Variants in SOX5 observed in about 807,000 individuals in gnomAD.
SOX5 encodes SRY-box transcription factor 5, also known as transcription factor SOX-5.
A neutral mutation model predicts 92.0 loss-of-function variants in SOX5; 9 were observed. The ratio of observed to expected loss-of-function variants is 0.10; its 90% CI spans 0.06 to 0.17. The LOEUF is 0.17. Ranked by LOEUF, SOX5 falls within the 10% of genes least tolerant of loss-of-function variation. SOX5 has a pLI of 1.00. For synonymous variants in SOX5, 344 were observed against 336.3 expected, an observed-to-expected ratio of 1.02 and a Z score of -0.25; for missense variants, 642 against 944.5, an observed-to-expected ratio of 0.68 and a Z score of 4.20.
At chr12:23,699,328 T>C (rs572835921) in intron 6 of SOX5, among the ~76,000 whole-genome samples, 2 of 152,270 alleles carry the variant, frequency 1.3e-5, no homozygotes, top group African/African-American at 4.8e-5. Flanking sequence ...AACACCTTTG[T>C]CTCATATATT....
chr12:23,564,418 T>C (rs1226051066), intron 10 of SOX5, among the ~76,000 whole-genome samples: 1 of 152,206 alleles, frequency 6.6e-6, no homozygotes, highest in Non-Finnish European at 1.5e-5. Context: ...GAATCTGTAA[T>C]ACGAAACTGC....
intron 2 of SOX5, among the ~76,000 whole-genome samples, chr12:24,327,385 C>CTTTTTTTTT (rs71063311): frequency 8.8e-5 from 5 of 56,688 alleles, no homozygotes; most frequent in Non-Finnish European, 1.3e-4. Flanking sequence ...GCAATGGAGA[C>CTTTTTTTTT]TTTTTTTTTT....
intron 2 of SOX5, among the ~76,000 whole-genome samples, chr12:24,323,268 A>C (rs1950373898): frequency 6.6e-6 from 1 of 151,640 alleles, no homozygotes; most frequent in Non-Finnish European, 1.5e-5. Flanking sequence ...TTGATAGAAC[A>C]AAATAAACAG....
chr12:24,268,875 A>G (rs896614711), intron 3 of SOX5, among the ~76,000 whole-genome samples: 6 of 152,134 alleles, frequency 3.9e-5, no homozygotes, highest in African/African-American at 1.4e-4. Flanking sequence ...AATCAATTTC[A>G]GTCATATTCA....
At chr12:23,912,344 C>G (rs1235040494) in intron 1 of SOX5, among the ~76,000 whole-genome samples, 1 of 151,980 alleles carries the variant, frequency 6.6e-6, no homozygotes, top group African/African-American at 2.4e-5. Flanking sequence ...AAAGGACAGA[C>G]AATAACAAAT....
At chr12:23,624,841 G>T (rs990416058) in intron 8 of SOX5, among the ~76,000 whole-genome samples, 1 of 152,110 alleles carries the variant, frequency 6.6e-6, no homozygotes, top group Non-Finnish European at 1.5e-5. Context: ...AGATACAAAT[G>T]CAACAAGATA....
chr12:23,820,049 A>T (rs1301224657), intron 3 of SOX5, among the ~76,000 whole-genome samples: 1 of 152,230 alleles, frequency 6.6e-6, no homozygotes, highest in African/African-American at 2.4e-5. Flanking sequence ...TCCCACCAAC[A>T]GTATAAAAGC....
chr12:23,643,168 G>T (rs1392617531), intron 7 of SOX5, among the ~76,000 whole-genome samples: 1 of 151,454 alleles, frequency 6.6e-6, no homozygotes, highest in Non-Finnish European at 1.5e-5. Context: ...AGGGACTCCA[G>T]AGATATTTAA....
intron 2 of SOX5, among the ~76,000 whole-genome samples, chr12:23,854,644 A>C (rs1485287444): frequency 6.6e-6 from 1 of 152,118 alleles, no homozygotes; most frequent in Non-Finnish European, 1.5e-5. Context: ...TTATATAATA[A>C]AATGTTTTGA....
chr12:24,363,716 G>GAAA (rs34955714), intron 2 of SOX5, among the ~76,000 whole-genome samples: 16 of 145,320 alleles, frequency 1.1e-4, no homozygotes, highest in African/African-American at 1.8e-4. Flanking sequence ...GGAAGCACAT[G>GAAA]AAAAAAAAAA....
chr12:23,855,501 T>G (rs11047132), intron 2 of SOX5, among the ~76,000 whole-genome samples: 14,093 of 152,112 alleles, frequency 0.093, 859 homozygotes, highest in East Asian at 0.24. Flanking sequence ...AGTAATGGAT[T>G]GTTTGTGATA....
chr12:23,593,164 A>G (rs992413790), intron 9 of SOX5, among the ~76,000 whole-genome samples: 3 of 152,182 alleles, frequency 2.0e-5, no homozygotes, highest in Non-Finnish European at 4.4e-5. Flanking sequence ...CATGTTTCCT[A>G]TATTCTCCAA....
intron 10 of SOX5, among the ~76,000 whole-genome samples, chr12:23,563,819 A>T (rs1253940734): frequency 6.6e-6 from 1 of 152,178 alleles, no homozygotes; most frequent in East Asian, 1.9e-4. Flanking sequence ...TATGACTATG[A>T]TTATTGAGTC....
At chr12:24,366,648 T>G (rs868559096) in intron 2 of SOX5, among the ~76,000 whole-genome samples, 3 of 152,152 alleles carry the variant, frequency 2.0e-5, no homozygotes, top group African/African-American at 7.2e-5. Context: ...TATTCCATAA[T>G]ATTTGCATAG....
intron 6 of SOX5, among the ~76,000 whole-genome samples, chr12:23,674,500 G>A (rs1389542063): frequency 1.3e-5 from 2 of 151,496 alleles, no homozygotes; most frequent in Non-Finnish European, 2.9e-5. Flanking sequence ...ACCGCTTCCG[G>A]CTAAGTTTTG....
At chr12:24,556,587 C>T (rs1019717818) in intron 1 of SOX5, among the ~76,000 whole-genome samples, 4 of 152,148 alleles carry the variant, frequency 2.6e-5, no homozygotes, top group South Asian at 2.1e-4. Context: ...GACTATCAAA[C>T]GATTAAATCT....
chr12:23,588,721 GCACACACACA>G (rs56083228), intron 9 of SOX5, among the ~76,000 whole-genome samples: 34 of 149,414 alleles, frequency 2.3e-4, no homozygotes, highest in African/African-American at 4.7e-4. Flanking sequence ...ATGGGATAGT[GCACACACACA>G]CACACACACA....
intron 3 of SOX5, among the ~76,000 whole-genome samples, chr12:23,794,221 C>T (rs533423431): frequency 7.9e-5 from 12 of 151,776 alleles, no homozygotes; most frequent in Non-Finnish European, 1.3e-4. Flanking sequence ...TTTTAGTGAA[C>T]AGAAAAATAA....
intron 4 of SOX5, among the ~76,000 whole-genome samples, chr12:23,963,840 T>A (rs1418427451): frequency 6.6e-6 from 1 of 151,076 alleles, no homozygotes; most frequent in Non-Finnish European, 1.5e-5. Context: ...GTATATACTA[T>A]CTTAAACAGG....
Sources: allele counts gnomAD v4.1 joint callset (sites outside exome capture counted in the v4.1 genomes callset), GRCh38; gene constraint gnomAD v4.1.1; transcripts MANE v1.5; gene names NCBI Gene and HGNC (gene_info 2026-07-23, HGNC 2026-07-21).